The following LINGO2 variants were observed in gnomAD, a reference collection of about 807,000 sequenced individuals.
LINGO2 encodes the protein leucine rich repeat and Ig domain containing 2, also known as leucine-rich repeat and immunoglobulin-like domain-containing nogo receptor-interacting protein 2.
Under a neutral mutation model 30.6 loss-of-function variants are expected in LINGO2, and 14 were observed. That is an observed-to-expected ratio of 0.46 (90% CI 0.30 to 0.72). The LOEUF (loss-of-function observed/expected upper bound fraction) is 0.72, where lower values mean the gene tolerates loss of function less well. Among genes scored for constraint, LINGO2 ranks in the 30% least tolerant of loss-of-function variants. The probability of loss-of-function intolerance (pLI) is 0.07; values close to 1 mark genes in which losing one functional copy is unlikely to be tolerated. For missense variants in LINGO2, 729 were observed against 751.7 expected, an observed-to-expected ratio of 0.97 and a Z score of 0.35; for synonymous variants, 317 against 288.5, an observed-to-expected ratio of 1.10 and a Z score of -1.00.
intron 1 of LINGO2, among the ~76,000 whole-genome samples, chr9:28,631,117 C>T (rs375344888): frequency 6.6e-6 from 1 of 151,642 alleles, no homozygotes; most frequent in Admixed American, 6.6e-5. Context: ...AGGATCAATG[C>T]TACATTTATT....
chr9:29,098,157 A>G, the LINGO2 span, among the ~76,000 whole-genome samples: 4 of 152,178 alleles, frequency 2.6e-5, no homozygotes, highest in Non-Finnish European at 1.5e-5. Flanking sequence ...ATGGTAGTTA[A>G]ATACTATAGA....
intron 4 of LINGO2, among the ~76,000 whole-genome samples, chr9:28,049,713 G>A (rs1022831162): frequency 6.0e-5 from 9 of 150,564 alleles, no homozygotes; most frequent in African/African-American, 2.0e-4. Flanking sequence ...TGCCTGATGC[G>A]GCAGGTCTAA....
chr9:28,830,606 A>G, the LINGO2 span, among the ~76,000 whole-genome samples: 1 of 152,196 alleles, frequency 6.6e-6, no homozygotes, highest in African/African-American at 2.4e-5. Context: ...CAACTCCCTA[A>G]AAGGAGGGAA....
In LINGO2 at chr9:28,231,556, T is replaced by C. The variant is rs1245755813; in HGVS notation, c.-87+63652A>G. Among the ~76,000 whole-genome samples, 3 of 152,126 alleles carry C rather than the reference T, an allele frequency of 2.0e-5. No homozygotes were observed. In the East Asian group the frequency reaches 5.8e-4, roughly 29 times the overall value. On this transcript the variant is annotated intron_variant, in intron 4 of 5. Coordinates refer to ENST00000379992, the Ensembl canonical transcript of LINGO2. ...AAAACAAAACTAATATCTATAGCAA[T>C]ATCATACATTTGGGAACAAGCATGA...
At chr9:28,220,970 G>A (rs1317014042) in intron 4 of LINGO2, among the ~76,000 whole-genome samples, 1 of 152,170 alleles carries the variant, frequency 6.6e-6, no homozygotes, top group African/African-American at 2.4e-5. Flanking sequence ...ATAGCATGGT[G>A]ACTATAGTTA....
At chr9:27,943,619 T>G (rs1823253348), downstream of LINGO2, 1 of 151,672 alleles carries the variant, frequency 6.6e-6, no homozygotes, top group African/African-American at 2.4e-5. Flanking sequence ...CTGGAGGGTT[T>G]TTTTTTTTTA....
At chr9:28,661,730 T>A (rs568644770) in intron 1 of LINGO2, among the ~76,000 whole-genome samples, 1 of 152,254 alleles carries the variant, frequency 6.6e-6, no homozygotes, top group Non-Finnish European at 1.5e-5. Flanking sequence ...GTTACATTTT[T>A]AAAAAGCCAA....
chr9:28,638,312 A>G (rs1440653027), intron 1 of LINGO2, among the ~76,000 whole-genome samples: 2 of 152,156 alleles, frequency 1.3e-5, no homozygotes, highest in Non-Finnish European at 2.9e-5. Flanking sequence ...ACGCTTTGTT[A>G]TCAGGATGAT....
At chr9:28,678,517 C>T in the LINGO2 span, among the ~76,000 whole-genome samples, 1 of 152,118 alleles carries the variant, frequency 6.6e-6, no homozygotes, top group African/African-American at 2.4e-5. Flanking sequence ...TCCAGACTTA[C>T]TGAGTTTAAA....
intron 5 of LINGO2, among the ~76,000 whole-genome samples, chr9:27,971,826 A>G (rs1023712036): frequency 2.0e-5 from 3 of 152,214 alleles, no homozygotes; most frequent in African/African-American, 4.8e-5. Context: ...CGGGATGTGT[A>G]AAGTGCTGAC....
At chr9:28,016,518 G>T (rs1466793696) in intron 4 of LINGO2, among the ~76,000 whole-genome samples, 1 of 151,772 alleles carries the variant, frequency 6.6e-6, no homozygotes. Flanking sequence ...ATTTCCCACA[G>T]AAATAATAAA....
the LINGO2 span, among the ~76,000 whole-genome samples, chr9:28,960,882 CAA>C: frequency 6.6e-6 from 1 of 151,696 alleles, no homozygotes; most frequent in East Asian, 1.9e-4. Context: ...TTCATTCACT[CAA>C]GACACCTTTA....
chr9:28,189,095 C>T (rs1172129941), intron 4 of LINGO2, among the ~76,000 whole-genome samples: 2 of 151,972 alleles, frequency 1.3e-5, no homozygotes, highest in East Asian at 3.9e-4. Context: ...GTCTTAGGTA[C>T]AGGGCTATCC....
the LINGO2 span, among the ~76,000 whole-genome samples, chr9:28,816,736 T>C: frequency 6.6e-6 from 1 of 152,072 alleles, no homozygotes; most frequent in African/African-American, 2.4e-5. Context: ...TCAGACACAA[T>C]CAAAACCTTG....
At chr9:28,842,039 T>C in the LINGO2 span, among the ~76,000 whole-genome samples, 2 of 151,800 alleles carry the variant, frequency 1.3e-5, no homozygotes, top group Non-Finnish European at 2.9e-5. Flanking sequence ...ACACTTCTTG[T>C]AGGCACTCCC....
intron 4 of LINGO2, among the ~76,000 whole-genome samples, chr9:28,131,315 T>A (rs1357751044): frequency 6.6e-6 from 1 of 152,082 alleles, no homozygotes; most frequent in Admixed American, 6.6e-5. Context: ...ATCTTTGGGG[T>A]CTGTTAATCA....
chr9:28,188,949 C>A (rs1330162361), intron 4 of LINGO2, among the ~76,000 whole-genome samples: 2 of 152,006 alleles, frequency 1.3e-5, no homozygotes, highest in Non-Finnish European at 2.9e-5. Context: ...TCTTCAGAAA[C>A]TGCTTAAGAT....
intron 4 of LINGO2, among the ~76,000 whole-genome samples, chr9:28,266,357 GC>G (rs1251732245): frequency 6.6e-6 from 1 of 151,984 alleles, no homozygotes; most frequent in Non-Finnish European, 1.5e-5. Flanking sequence ...TTTCAAGTGA[GC>G]TTTTCTGCCA....
At chr9:27,953,684 C>T (rs1052475568) in intron 5 of LINGO2, among the ~76,000 whole-genome samples, 7 of 152,024 alleles carry the variant, frequency 4.6e-5, no homozygotes, top group African/African-American at 1.5e-4. Flanking sequence ...TTGCTTCCCC[C>T]TTCAGTCATA....
Sources: gnomAD v4.1 joint callset for allele counts (sites outside exome capture counted in the v4.1 genomes callset) on GRCh38, gnomAD v4.1.1 for gene constraint, MANE v1.5 for transcripts, NCBI Gene and HGNC (gene_info 2026-07-23, HGNC 2026-07-21) for gene names.